The following IGFBP3 variants were observed in gnomAD, a reference collection of about 807,000 sequenced individuals.
IGFBP3 encodes the protein insulin like growth factor binding protein 3.
IGFBP3 carries 9 observed loss-of-function variants against 28.6 expected under a neutral mutation model. The ratio of observed to expected loss-of-function variants is 0.31; its 90% confidence interval spans 0.19 to 0.55. The LOEUF (loss-of-function observed/expected upper bound fraction) is 0.55. Ranked by LOEUF, IGFBP3 falls within the 20% of genes least tolerant of loss-of-function variation. IGFBP3 has a pLI of 0.93. For missense variants in IGFBP3, 382 were observed against 428.9 expected, an observed-to-expected ratio of 0.89 and a Z score of 0.97; for synonymous variants, 185 against 188.2, an observed-to-expected ratio of 0.98 and a Z score of 0.14.
rs779571254 is a variant in IGFBP3, at chr7:45,920,767, G to A, written c.374C>T (p.Ala125Val). ...VNASAVSRLR[A>V]YLLPAPPAPG... ...AGCTGGCGGCGCTGGCAGCAGGTAGGCGCGCAGGCGGCTGACGGCACTAGC... is the reference window on the plus strand; with the variant it reads ...AGCTGGCGGCGCTGGCAGCAGGTAGACGCGCAGGCGGCTGACGGCACTAGC... The change falls in exon 1 of 5, where the codon GCC (alanine) becomes GTC (valine). Residue 125 changes from alanine (A) to valine (V), a missense_variant. Coordinates refer to ENST00000613132, the MANE Select transcript of IGFBP3 (RefSeq NM_000598.5). 2.1e-6 allele frequency: 3 copies of A among 1,422,644 alleles called. No individual in the cohort carries two copies. Among genetic ancestry groups the A allele is most frequent in the South Asian group, 2.9e-5 (2 of 68,428 alleles). 88.1% of individuals were successfully genotyped at this position (1,422,644 alleles called of 1,614,324 possible). A position where few individuals can be genotyped will look rare whatever the true frequency, so the allele number is the denominator to read the frequency against.
chr7:45,915,214 T>C (rs1031099788), intron 3 of IGFBP3: 2 of 398,322 alleles, frequency 5.0e-6, no homozygotes, highest in Non-Finnish European at 9.3e-6. Flanking sequence ...CACCAGCCCT[T>C]GTAGAACCTC....
chr7:45,917,133 A>G (rs1265244927), intron 2 of IGFBP3, 80 bp downstream of exon 2: 1 of 1,185,238 alleles, frequency 8.4e-7, no homozygotes, highest in Non-Finnish European at 1.2e-6. Flanking sequence ...TTGTTGAGTA[A>G]GAATTGCCCT....
chr7:45,918,080 G>A (rs752674248), intron 1 of IGFBP3, among the ~76,000 whole-genome samples: 22 of 152,336 alleles, frequency 1.4e-4, no homozygotes, highest in Non-Finnish European at 2.9e-5. Flanking sequence ...TCAGAATCAT[G>A]CAAGCATGTT....
At chr7:45,915,276 G>C (rs1242864123) in intron 3 of IGFBP3, 1 of 252,370 alleles carries the variant, frequency 4.0e-6, no homozygotes, top group Non-Finnish European at 7.7e-6. Context: ...CGCTGCCTGC[G>C]AATGTCACAG....
In IGFBP3 at chr7:45,921,205, G is replaced by GC. The variant is rs1266253349; in HGVS notation, c.-66_-65insG. The GC allele has an allele frequency of 2.0e-6, 3 of 1,475,264 alleles. No individual in the cohort carries two copies. In the African/African-American group the frequency reaches 4.4e-5, roughly 21 times the overall value. The allele number at this position is 1,475,264 out of a possible 1,614,324, so 91.4% of individuals were successfully genotyped here. On this transcript the variant is annotated 5_prime_UTR_variant, in exon 1 of 5. Transcript: ENST00000613132. ...GCGCAGGGATGGGGCGACAGTACACGGCGCGAAGCTGTGGAATCCAGGCAG... is the reference window on the plus strand; with the variant it reads ...GCGCAGGGATGGGGCGACAGTACACGCGCGCGAAGCTGTGGAATCCAGGCAG...
intron 1 of IGFBP3, among the ~76,000 whole-genome samples, chr7:45,917,727 G>A (rs1784629904): frequency 6.6e-6 from 1 of 152,234 alleles, no homozygotes; most frequent in African/African-American, 2.4e-5. Flanking sequence ...GTGCCCCTCA[G>A]TAGGTGAAGG....
Position 45,912,368 on chromosome 7 carries a change from A to C in IGFBP3, c.*1482T>G, listed in dbSNP as rs1784555752. On this transcript the variant is annotated 3_prime_UTR_variant, in exon 5 of 5. Coordinates refer to ENST00000613132, the MANE Select transcript of IGFBP3 (RefSeq NM_000598.5). Reference sequence around the variant, plus strand: ...GGAAAGATATTTTTTTAATGGTAAAAACTTTATTTACTATTTATAAATACA... The same window carrying C: ...GGAAAGATATTTTTTTAATGGTAAACACTTTATTTACTATTTATAAATACA... 1 of 152,090 alleles carries C rather than the reference A, an allele frequency of 6.6e-6. No individual in the cohort carries two copies. The allele number at this position is 152,090 out of a possible 1,614,324, so 9.4% of individuals were successfully genotyped here.
rs1784555120 is a variant in IGFBP3 at position 45,912,336 on chromosome 7, A to G, written c.*1514T>C. 1 of 151,890 alleles carries G rather than the reference A, an allele frequency of 6.6e-6. No homozygotes were observed. Among genetic ancestry groups the G allele is most frequent in the African/African-American group, 2.4e-5 (1 of 41,430 alleles). 9.4% of individuals were successfully genotyped at this position (151,890 alleles called of 1,614,324 possible). The stretch of plus-strand genomic sequence containing the variant: ...GATACAAAGCCCAGAGATGGTCAAT[A>G]ACAAAGGGAAAGATATTTTTTTAAT... On this transcript the variant is annotated 3_prime_UTR_variant, in exon 5 of 5. Transcript: ENST00000613132.
rs989247066 is a variant in IGFBP3, at chr7:45,915,021, T to C, written c.751-76A>G. On this transcript the variant is annotated intron_variant, in intron 3 of 4. Coordinates refer to ENST00000613132, the MANE Select transcript of IGFBP3 (RefSeq NM_000598.5). ...TCAGGTCGGTGGCCAGGGCGCATGA[T>C]GGTTTGCCAGCGTGACTCTGCTATG... The C allele has an allele frequency of 6.4e-6, 10 of 1,553,434 alleles. No homozygotes were observed. In the Admixed American group the frequency reaches 1.2e-4, roughly 19 times the overall value.
chr7:45,914,710 G>T, intron 4 of IGFBP3, 95 bp downstream of exon 4: 1 of 1,230,648 alleles, frequency 8.1e-7, no homozygotes, highest in Non-Finnish European at 1.1e-6. Context: ...GGGTCTGTAA[G>T]CCTGGGGAAG....
chr7:45,915,856 C>T (rs1353442870), intron 3 of IGFBP3, among the ~76,000 whole-genome samples: 1 of 152,216 alleles, frequency 6.6e-6, no homozygotes, highest in Admixed American at 6.5e-5. Context: ...GACTGGCCAT[C>T]CCCAGCATGG....
Position 45,921,173 on chromosome 7 carries a change from G to A in IGFBP3, c.-33C>T. 6.6e-7 allele frequency: 1 copy of A among 1,504,406 alleles called. No homozygotes were observed. Among genetic ancestry groups the A allele is most frequent in the Non-Finnish European group, 8.8e-7 (1 of 1,130,784 alleles). 93.2% of individuals were successfully genotyped at this position (1,504,406 alleles called of 1,614,324 possible). A position where few individuals can be genotyped will look rare whatever the true frequency, so the allele number is the denominator to read the frequency against. On this transcript the variant is annotated 5_prime_UTR_variant, in exon 1 of 5. Coordinates refer to ENST00000613132, the MANE Select transcript of IGFBP3 (RefSeq NM_000598.5). ...GCAACCGGGGCACGCTGCTTGGCAG[G>A]CTGGGCGCGCAGGGATGGGGCGACA...
chr7:45,920,281 A>C, intron 1 of IGFBP3: 2 of 163,974 alleles, frequency 1.2e-5, no homozygotes, highest in Non-Finnish European at 2.6e-5. Flanking sequence ...CAAAGTCAGT[A>C]TTTTAAAAGA....
At chr7:45,919,837 G>A (rs1784659675) in intron 1 of IGFBP3, among the ~76,000 whole-genome samples, 1 of 152,116 alleles carries the variant, frequency 6.6e-6, no homozygotes. Context: ...GCCTGATACT[G>A]ATAGTGGCTA....
At chr7:45,917,155 G>A (rs1784618851) in intron 2 of IGFBP3, 58 bp downstream of exon 2, 3 of 1,411,536 alleles carry the variant, frequency 2.1e-6, no homozygotes, top group Non-Finnish European at 2.0e-6. Flanking sequence ...AAGAGGCTCT[G>A]AGTACCCAGG....
rs758641999 is a variant in IGFBP3, at chr7:45,917,419, CCTCCGA to C, written c.418_423del (p.Ser140_Glu141del). ...TCCACACTGCCGGCGCTGCGGTCTT[CCTCCGA>C]CTCACTAGCATTTCCTTAAAACGCC... On this transcript the variant is annotated inframe_deletion, in exon 2 of 5. Transcript: ENST00000613132. The C allele has an allele frequency of 8.7e-6, 14 of 1,611,860 alleles. No individual in the cohort carries two copies. Among genetic ancestry groups the C allele is most frequent in the Non-Finnish European group, 1.2e-5 (14 of 1,178,670 alleles).
Position 45,921,266 on chromosome 7 carries a change from C to G in IGFBP3, c.-126G>C, listed in dbSNP as rs749195073. The stretch of plus-strand genomic sequence containing the variant: ...ATCCTCAGCGCCCAGCCGCAGTGCT[C>G]GCATCTGGGCGGCCCGGGCGCGCCG... On this transcript the variant is annotated 5_prime_UTR_variant, in exon 1 of 5. Coordinates refer to ENST00000613132, the MANE Select transcript of IGFBP3 (RefSeq NM_000598.5). 3.0e-5 allele frequency: 35 copies of G among 1,170,584 alleles called. No individual in the cohort carries two copies. Among genetic ancestry groups the G allele is most frequent in the Non-Finnish European group, 1.4e-5 (12 of 833,936 alleles). 72.5% of individuals were successfully genotyped at this position (1,170,584 alleles called of 1,614,324 possible). A position where few individuals can be genotyped will look rare whatever the true frequency, so the allele number is the denominator to read the frequency against.
intron 2 of IGFBP3, 62 bp downstream of exon 2, chr7:45,917,151 C>A (rs1365064122): frequency 7.3e-7 from 1 of 1,375,266 alleles, no homozygotes; most frequent in South Asian, 1.2e-5. Context: ...CCTCAAGAGG[C>A]TCTGAGTACC....
rs1784555623 is a variant in IGFBP3, at chr7:45,912,362, G to C, written c.*1488C>G. 3 of 151,608 alleles carry C rather than the reference G, an allele frequency of 2.0e-5. No homozygotes were observed. The highest frequency in any genetic ancestry group is 2.0e-4 in the Admixed American group (3 of 15,246). 9.4% of individuals were successfully genotyped at this position (151,608 alleles called of 1,614,324 possible). A position where few individuals can be genotyped will look rare whatever the true frequency, so the allele number is the denominator to read the frequency against. Reference sequence around the variant, plus strand: ...ACAAAGGGAAAGATATTTTTTTAATGGTAAAAACTTTATTTACTATTTATA... The same window carrying C: ...ACAAAGGGAAAGATATTTTTTTAATCGTAAAAACTTTATTTACTATTTATA... On this transcript the variant is annotated 3_prime_UTR_variant, in exon 5 of 5. Transcript: ENST00000613132.
Sources: allele counts gnomAD v4.1 joint callset (sites outside exome capture counted in the v4.1 genomes callset), GRCh38; gene constraint gnomAD v4.1.1; transcripts MANE v1.5; gene names NCBI Gene and HGNC (gene_info 2026-07-23, HGNC 2026-07-21).